LRRC37B: variants seen among roughly 807,000 people sequenced by gnomAD.
The protein encoded by LRRC37B is leucine rich repeat containing 37B.
In LRRC37B, 28 loss-of-function variants were observed where a neutral mutation model predicts 98.3. That is an observed-to-expected ratio of 0.28 (90% CI 0.21 to 0.39). The LOEUF is 0.39. Among genes scored for constraint, LRRC37B ranks in the 10% least tolerant of loss-of-function variants. The pLI is 1.00. For missense variants in LRRC37B, 938 were observed against 1,182.7 expected, an observed-to-expected ratio of 0.79 and a Z score of 3.03; for synonymous variants, 364 against 442.7, an observed-to-expected ratio of 0.82 and a Z score of 2.23.
upstream of LRRC37B, chr17:32,017,095 G>A (rs1266622134): frequency 6.6e-6 from 1 of 152,158 alleles, no homozygotes; most frequent in Non-Finnish European, 1.5e-5. Context: ...CTTATGCAAA[G>A]GTATCCCTTG....
At chr17:32,041,298 G>T in intron 7 of LRRC37B, 1 of 757,550 alleles carries the variant, frequency 1.3e-6, no homozygotes, top group Non-Finnish European at 2.4e-6. Flanking sequence ...CCGATCTTCC[G>T]ACAAGTCCAT....
upstream of LRRC37B, among the ~76,000 whole-genome samples, chr17:32,019,133 G>A (rs1258330465): frequency 6.6e-6 from 1 of 152,148 alleles, no homozygotes; most frequent in African/African-American, 2.4e-5. Context: ...CGCCATGTTG[G>A]CCAGACTGGT....
At chr17:32,012,509 G>A (rs1910545769) in intron 1 of LRRC37B, among the ~76,000 whole-genome samples, 1 of 151,806 alleles carries the variant, frequency 6.6e-6, no homozygotes, top group Non-Finnish European at 1.5e-5. Context: ...CTGAGGTCAG[G>A]AGTTCAAGAC....
At chr17:32,017,257 A>C (rs949764672), upstream of LRRC37B, 1 of 152,132 alleles carries the variant, frequency 6.6e-6, no homozygotes, top group Non-Finnish European at 1.5e-5. Flanking sequence ...TGTCTGGTGG[A>C]ATTTTGGTTC....
intron 7 of LRRC37B, chr17:32,041,631 G>T (rs1223377612): frequency 1.3e-5 from 6 of 464,024 alleles, no homozygotes; most frequent in Non-Finnish European, 2.2e-5. Context: ...GTCCAAGCCT[G>T]CCGGCGCCAC....
intron 7 of LRRC37B, chr17:32,041,182 A>G: frequency 1.3e-6 from 1 of 772,376 alleles, no homozygotes; most frequent in Non-Finnish European, 2.4e-6. Flanking sequence ...CCCAAGCGGG[A>G]GTATAAGCCC....
chr17:32,041,935 C>CT (rs1911451809), intron 7 of LRRC37B: 1 of 416,816 alleles, frequency 2.4e-6, no homozygotes, highest in African/African-American at 2.0e-5. Flanking sequence ...GTTCCACGGC[C>CT]TTAACAGGCT....
intron 1 of LRRC37B, among the ~76,000 whole-genome samples, chr17:32,008,803 G>A (rs1404386209): frequency 6.6e-6 from 1 of 152,180 alleles, no homozygotes; most frequent in Non-Finnish European, 1.5e-5. Flanking sequence ...AAAAAGCAAA[G>A]CAGAAAGCCA....
exon 1 of LRRC37B, chr17:32,021,187 C>G (rs79573699): frequency 6.2e-7 from 1 of 1,613,308 alleles, no homozygotes. Context: ...CCCCTCCTTA[C>G]GTGGCAACTA....
At chr17:32,050,052 C>T (rs1911706852) in exon 11 of LRRC37B, 2 of 1,593,132 alleles carry the variant, frequency 1.3e-6, no homozygotes, top group South Asian at 1.1e-5. Flanking sequence ...CTCATCTTCG[C>T]AATATCTGTG....
At chr17:32,013,194 G>A (rs183546645) in intron 1 of LRRC37B, among the ~76,000 whole-genome samples, 30 of 152,154 alleles carry the variant, frequency 2.0e-4, no homozygotes, top group East Asian at 1.9e-3. Flanking sequence ...AAATAGAGAT[G>A]GGGTTTTGCC....
At chr17:32,053,465 T>TA (rs1473233226) in exon 12 of LRRC37B, 1 of 659,118 alleles carries the variant, frequency 1.5e-6, no homozygotes, top group Non-Finnish European at 2.6e-6. Context: ...TTAACAATAA[T>TA]AAAAATAAAG....
At chr17:32,041,350 G>C (rs1427339675) in intron 7 of LRRC37B, 1 of 754,926 alleles carries the variant, frequency 1.3e-6, no homozygotes. Flanking sequence ...GACCAGCCAA[G>C]CTGCAAGGTG....
intron 5 of LRRC37B, among the ~76,000 whole-genome samples, chr17:32,033,009 C>T (rs1185313189): frequency 6.6e-6 from 1 of 151,578 alleles, no homozygotes; most frequent in East Asian, 2.0e-4. Flanking sequence ...ACTAAAAATA[C>T]AAAAATTAGC....
chr17:32,049,588 C>G (rs949553435), intron 10 of LRRC37B, among the ~76,000 whole-genome samples, 194 bp downstream of exon 13: 18 of 152,208 alleles, frequency 1.2e-4, no homozygotes, highest in African/African-American at 4.3e-4. Flanking sequence ...AACTGTAGGC[C>G]GGGGGTGGTA....
At chr17:32,053,242 T>C in intron 11 of LRRC37B, 24 bp from the exon 15 acceptor site, 1 of 1,572,444 alleles carries the variant, frequency 6.4e-7, no homozygotes, top group Non-Finnish European at 8.7e-7. Context: ...TAGATAACCT[T>C]AATTGTGTTT....
At chr17:32,007,874 C>T (rs1359445595), upstream of LRRC37B, 13 of 1,059,718 alleles carry the variant, frequency 1.2e-5, no homozygotes, top group African/African-American at 1.7e-5. The surrounding 1 kb of genome is among the most constrained non-coding windows in gnomAD (Gnocchi z 4.1). Context: ...ACGGGCCCGG[C>T]GGGGGCGCGG....
upstream of LRRC37B, among the ~76,000 whole-genome samples, chr17:32,019,040 C>T (rs1388378086): frequency 6.6e-6 from 1 of 152,166 alleles, no homozygotes; most frequent in African/African-American, 2.4e-5. Flanking sequence ...GATTCTCCTA[C>T]CTCAGCCTCC....
chr17:32,011,308 T>C (rs1910520802), intron 1 of LRRC37B, among the ~76,000 whole-genome samples: 1 of 152,102 alleles, frequency 6.6e-6, no homozygotes, highest in Admixed American at 6.5e-5. Context: ...ATTTCACTTT[T>C]TTAATGGCTG....
Sources: gnomAD v4.1 joint callset for allele counts (sites outside exome capture counted in the v4.1 genomes callset) on GRCh38, gnomAD v4.1.1 for gene constraint, Gnocchi (gnomAD v3.1) non-coding constraint, MANE v1.5 for transcripts, NCBI Gene and HGNC (gene_info 2026-07-23, HGNC 2026-07-21) for gene names.